Variants in FMNL2 observed in about 807,000 individuals in gnomAD.
FMNL2 encodes formin-like protein 2.
FMNL2 carries 51 observed loss-of-function variants against 130.2 expected under a neutral mutation model. That is an observed-to-expected ratio of 0.39 (90% confidence interval 0.31 to 0.49). The LOEUF is 0.49. FMNL2 is among the 20% of genes least tolerant of loss of function. FMNL2 has a pLI of 0.85. For synonymous variants in FMNL2, 465 were observed against 467.1 expected, an observed-to-expected ratio of 1.00 and a Z score of 0.06; for missense variants, 977 against 1,316.2, an observed-to-expected ratio of 0.74 and a Z score of 3.99.
At chr2:152,354,071 G>A (rs1682657873) in intron 1 of FMNL2, among the ~76,000 whole-genome samples, 1 of 152,090 alleles carries the variant, frequency 6.6e-6, no homozygotes, top group Admixed American at 6.5e-5. Context: ...GTTCTTTCTA[G>A]AAAAAGAGAC....
At chr2:152,616,478 A>G (rs1360356196) in intron 12 of FMNL2, among the ~76,000 whole-genome samples, 1 of 151,014 alleles carries the variant, frequency 6.6e-6, no homozygotes, top group Non-Finnish European at 1.5e-5. Context: ...TTACAGGTGT[A>G]CTCCACCACA....
intron 1 of FMNL2, among the ~76,000 whole-genome samples, chr2:152,406,543 T>G (rs1685993837): frequency 6.6e-6 from 1 of 152,208 alleles, no homozygotes; most frequent in Non-Finnish European, 1.5e-5. Context: ...CTCAATTCCT[T>G]CTACAGCCCA....
chr2:152,375,980 G>A (rs1439409670), intron 1 of FMNL2, among the ~76,000 whole-genome samples: 8 of 151,012 alleles, frequency 5.3e-5, no homozygotes, highest in African/African-American at 1.7e-4. Context: ...CCCAACCTCT[G>A]CTTCCCAGGT....
chr2:152,359,200 G>C (rs1683015095), intron 1 of FMNL2, among the ~76,000 whole-genome samples: 1 of 152,154 alleles, frequency 6.6e-6, no homozygotes, highest in Non-Finnish European at 1.5e-5. Flanking sequence ...ATTGTTTGTG[G>C]AAAGCTTAAT....
chr2:152,392,627 T>C (rs986781213), intron 1 of FMNL2, among the ~76,000 whole-genome samples: 3 of 152,192 alleles, frequency 2.0e-5, no homozygotes, highest in African/African-American at 4.8e-5. Flanking sequence ...GCCTCTTTTA[T>C]AAGAGCCTTA....
At chr2:152,406,911 C>A (rs1402438358) in intron 1 of FMNL2, among the ~76,000 whole-genome samples, 5 of 152,128 alleles carry the variant, frequency 3.3e-5, no homozygotes, top group African/African-American at 9.7e-5. Context: ...ATGTGATGAA[C>A]TGGAAAAGAA....
At chr2:152,518,944 C>G (rs1692924637) in intron 1 of FMNL2, among the ~76,000 whole-genome samples, 1 of 152,048 alleles carries the variant, frequency 6.6e-6, no homozygotes, top group African/African-American at 2.4e-5. Context: ...ATATATTGAC[C>G]CTGGTCTGCA....
At chr2:152,397,366 ATCTG>A (rs1384507528) in intron 1 of FMNL2, among the ~76,000 whole-genome samples, 3 of 139,740 alleles carry the variant, frequency 2.1e-5, no homozygotes, top group Non-Finnish European at 4.6e-5. Context: ...CTTTCCTTTT[ATCTG>A]TCTGAGCCAG....
chr2:152,531,534 G>T (rs1468499624), intron 2 of FMNL2, among the ~76,000 whole-genome samples: 6 of 151,954 alleles, frequency 3.9e-5, no homozygotes, highest in Non-Finnish European at 8.8e-5. Context: ...GAGTACAGTG[G>T]CACGATGTCG....
At chr2:152,629,619 C>A in intron 18 of FMNL2, 37 bp from the exon 19 acceptor site, 1 of 1,548,430 alleles carries the variant, frequency 6.5e-7, no homozygotes, top group Non-Finnish European at 8.8e-7. Context: ...TTTAACATGT[C>A]TTTTTTCCCC....
At chr2:152,338,724 A>G (rs1045041468) in intron 1 of FMNL2, among the ~76,000 whole-genome samples, 54 of 152,076 alleles carry the variant, frequency 3.6e-4, no homozygotes, top group African/African-American at 1.2e-3. Flanking sequence ...ATAGTTATAA[A>G]ACTTACATTT....
intron 4 of FMNL2, among the ~76,000 whole-genome samples, chr2:152,550,703 G>A (rs951969182): frequency 2.0e-5 from 3 of 152,202 alleles, no homozygotes; most frequent in African/African-American, 7.2e-5. Context: ...TGGGCATTTA[G>A]ACTCAGCACA....
intron 1 of FMNL2, among the ~76,000 whole-genome samples, chr2:152,500,040 T>G (rs1691726722): frequency 6.6e-6 from 1 of 152,174 alleles, no homozygotes. Context: ...CCTGAAGCAA[T>G]GCTGGGTTTA....
At chr2:152,453,646 T>C (rs147317957) in intron 1 of FMNL2, among the ~76,000 whole-genome samples, 6 of 152,310 alleles carry the variant, frequency 3.9e-5, no homozygotes, top group Non-Finnish European at 5.9e-5. Context: ...GAAGTTTAGC[T>C]GAATGAGAGA....
At chr2:152,604,423 G>A (rs1484544232) in intron 9 of FMNL2, among the ~76,000 whole-genome samples, 1 of 150,998 alleles carries the variant, frequency 6.6e-6, no homozygotes. Flanking sequence ...TGCTTTTGTT[G>A]TCACTGTTCA....
intron 6 of FMNL2, among the ~76,000 whole-genome samples, chr2:152,571,590 G>C (rs781191602): frequency 6.6e-6 from 1 of 152,144 alleles, no homozygotes; most frequent in Non-Finnish European, 1.5e-5. Context: ...TGCCACAGAG[G>C]TACTCATGCC....
At chr2:152,413,847 CA>C (rs1686455687) in intron 1 of FMNL2, among the ~76,000 whole-genome samples, 1 of 152,190 alleles carries the variant, frequency 6.6e-6, no homozygotes, top group South Asian at 2.1e-4. Context: ...GACACAGCAC[CA>C]TGATAGGCTT....
intron 1 of FMNL2, among the ~76,000 whole-genome samples, chr2:152,395,525 C>T (rs1180001372): frequency 6.6e-6 from 1 of 152,070 alleles, no homozygotes; most frequent in East Asian, 1.9e-4. Flanking sequence ...TGGACCAGTC[C>T]CTTAAAATTA....
chr2:152,391,198 A>T (rs1685088627), intron 1 of FMNL2, among the ~76,000 whole-genome samples: 1 of 152,186 alleles, frequency 6.6e-6, no homozygotes, highest in South Asian at 2.1e-4. Flanking sequence ...TAGTGCCTTA[A>T]ATTTGATGCA....
Sources: allele counts gnomAD v4.1 joint callset (sites outside exome capture counted in the v4.1 genomes callset), GRCh38; gene constraint gnomAD v4.1.1; transcripts MANE v1.5; gene names NCBI Gene and HGNC (gene_info 2026-07-23, HGNC 2026-07-21).